The following KMT2C variants were observed in gnomAD, a reference collection of about 807,000 sequenced individuals.
KMT2C encodes the protein histone-lysine N-methyltransferase 2C.
KMT2C carries 88 observed loss-of-function variants against 507.9 expected under a neutral mutation model. That is an observed-to-expected ratio of 0.17 (90% CI 0.15 to 0.21). The LOEUF is 0.21. Ranked by LOEUF, KMT2C falls within the 10% of genes least tolerant of loss-of-function variation. The pLI is 1.00. For synonymous variants in KMT2C, 2,049 were observed against 2,080.8 expected, an observed-to-expected ratio of 0.98 and a Z score of 0.42; for missense variants, 4,954 against 5,957.8, an observed-to-expected ratio of 0.83 and a Z score of 5.55.
chr7:152,358,508 T>C, intron 2 of KMT2C, 79 bp downstream of exon 2: 1 of 895,994 alleles, frequency 1.1e-6, no homozygotes. Flanking sequence ...CAGAATATTG[T>C]TATACAAATG....
chr7:152,230,189 T>C (rs557929360), intron 17 of KMT2C, 31 bp downstream of exon 17: 4 of 1,263,718 alleles, frequency 3.2e-6, no homozygotes, highest in East Asian at 4.6e-5. Context: ...AGGAATTCAA[T>C]GAGGAAGACA....
intron 34 of KMT2C, among the ~76,000 whole-genome samples, chr7:152,184,344 A>G (rs2093553059): frequency 6.6e-6 from 1 of 152,138 alleles, no homozygotes; most frequent in Admixed American, 6.5e-5. Flanking sequence ...GAAAATAACT[A>G]TATATATTTT....
In KMT2C at chr7:152,136,766, C is replaced by T. The variant is rs1470372070; in HGVS notation, c.*66G>A. On this transcript the variant is annotated 3_prime_UTR_variant, in exon 59 of 59. Coordinates refer to ENST00000262189, the MANE Select transcript of KMT2C (RefSeq NM_170606.3). ...AAAATCTCTTTCTGTCTGCAAAATT[C>T]CAATGGTGTGTTGAATCGCCTCTTC... is the stretch of plus-strand genomic sequence containing the variant. 9.0e-7 allele frequency: 1 copy of T among 1,111,754 alleles called. No homozygotes were observed. The highest frequency in any genetic ancestry group is 1.4e-6 in the Non-Finnish European group (1 of 727,640). The allele number at this position is 1,111,754 out of a possible 1,614,324, so 68.9% of individuals were successfully genotyped here. A position where few individuals can be genotyped will look rare whatever the true frequency, so the allele number is the denominator to read the frequency against.
At chr7:152,221,533 T>TC (rs1563458238) in intron 22 of KMT2C, among the ~76,000 whole-genome samples, 1 of 152,234 alleles carries the variant, frequency 6.6e-6, no homozygotes, top group East Asian at 1.9e-4. Context: ...TTAGAACAAT[T>TC]CCTGTACTAT....
intron 14 of KMT2C, among the ~76,000 whole-genome samples, chr7:152,246,538 G>A (rs542769208): frequency 1.6e-4 from 24 of 152,124 alleles, no homozygotes; most frequent in Admixed American, 5.2e-4. Context: ...AGGAAGGAGA[G>A]ATAAGTAAAA....
Position 152,145,252 on chromosome 7 carries a change from C to T in KMT2C, c.14075G>A (p.Gly4692Asp), listed in dbSNP as rs2129093346. ...EACENYTFRY[G>D]RNPLMELPLA... Reference sequence around the variant, plus strand: ...AGGAAGTTCCATGAGAGGATTTCGGCCGTATCGGAAGGTATAATTTTCACA... The same window carrying T: ...AGGAAGTTCCATGAGAGGATTTCGGTCGTATCGGAAGGTATAATTTTCACA... The change falls in exon 54 of 59, where the codon GGC becomes GAC. Residue 4692 changes from glycine (G) to aspartate (D), a missense_variant. Around this residue, in one of 29 missense-constraint regions of KMT2C, gnomAD observed 221 missense variants for 304.7 expected, o/e 0.73. Coordinates refer to ENST00000262189, the MANE Select transcript of KMT2C (RefSeq NM_170606.3). 2 of 1,614,124 alleles carry T rather than the reference C, an allele frequency of 1.2e-6. No individual in the cohort carries two copies. The highest frequency in any genetic ancestry group is 2.2e-5 in the South Asian group (2 of 91,080).
intron 1 of KMT2C, among the ~76,000 whole-genome samples, chr7:152,391,001 C>T (rs985662728): frequency 1.3e-5 from 2 of 151,530 alleles, no homozygotes; most frequent in Non-Finnish European, 2.9e-5. Flanking sequence ...AAAAATTAGC[C>T]AGTCATGGTG....
At chr7:152,347,323 G>A (rs1033211779) in intron 2 of KMT2C, among the ~76,000 whole-genome samples, 1 of 152,222 alleles carries the variant, frequency 6.6e-6, no homozygotes. Context: ...CTTCTTGTAG[G>A]GAGCACTTTA....
intron 1 of KMT2C, among the ~76,000 whole-genome samples, chr7:152,370,769 G>A (rs563407357): frequency 3.7e-4 from 57 of 152,240 alleles, no homozygotes; most frequent in African/African-American, 1.1e-3. Flanking sequence ...AGCAAACTAC[G>A]GTCCAGAGGC....
At chr7:152,141,861 T>C (rs189341586) in intron 55 of KMT2C, among the ~76,000 whole-genome samples, 46 of 152,104 alleles carry the variant, frequency 3.0e-4, no homozygotes, top group Non-Finnish European at 5.3e-4. Context: ...TCTAAATAAA[T>C]ATTTTTAAAA....
intron 1 of KMT2C, chr7:152,367,735 C>A: frequency 8.6e-7 from 1 of 1,160,944 alleles, no homozygotes. Context: ...TGCTGGCAGC[C>A]TCTTATCGAT....
chr7:152,211,287 T>G (rs1322408340), intron 23 of KMT2C, among the ~76,000 whole-genome samples: 2 of 152,028 alleles, frequency 1.3e-5, no homozygotes, highest in African/African-American at 4.8e-5. Context: ...GAAGGTAAAA[T>G]AAAGACATTT....
Position 152,412,258 on chromosome 7 carries a change from G to A in KMT2C, c.161+23368C>T, listed in dbSNP as rs546631078. On this transcript the variant is annotated intron_variant, in intron 1 of 58. Coordinates refer to ENST00000262189, the MANE Select transcript of KMT2C (RefSeq NM_170606.3). ...TCTACTAAAAATCCAAAAATTAGCC[G>A]GGCATCGTGGCAGGAACCTGTAATC... Among the ~76,000 whole-genome samples the A allele has an allele frequency of 6.6e-5, 10 of 152,302 alleles. No individual in the cohort carries two copies. The South Asian group carries it at 8.3e-4, about 13-fold the overall frequency.
At chr7:152,262,107 G>C (rs1269807272) in intron 9 of KMT2C, among the ~76,000 whole-genome samples, 2 of 152,224 alleles carry the variant, frequency 1.3e-5, no homozygotes, top group South Asian at 2.1e-4. Context: ...GCGAGGACAG[G>C]GTGCAGGTAC....
chr7:152,346,275 C>T (rs971742948), intron 2 of KMT2C, among the ~76,000 whole-genome samples: 2 of 152,178 alleles, frequency 1.3e-5, no homozygotes, highest in Non-Finnish European at 2.9e-5. Flanking sequence ...TCAACAATAG[C>T]AGAATACACA....
At chr7:152,364,791 A>T (rs1442914991) in intron 1 of KMT2C, among the ~76,000 whole-genome samples, 3 of 152,128 alleles carry the variant, frequency 2.0e-5, no homozygotes, top group African/African-American at 7.2e-5. Context: ...GAATAATAGC[A>T]ACCTACCTAA....
intron 1 of KMT2C, among the ~76,000 whole-genome samples, chr7:152,373,428 A>G (rs2097306129): frequency 6.6e-6 from 1 of 152,202 alleles, no homozygotes; most frequent in Non-Finnish European, 1.5e-5. Flanking sequence ...AAATATTGAG[A>G]TAACAGCCTA....
Position 152,154,251 on chromosome 7 carries a change from T to TA in KMT2C, c.12139+15dup. On this transcript the variant is annotated intron_variant, in intron 47 of 58. Coordinates refer to ENST00000262189, the MANE Select transcript of KMT2C (RefSeq NM_170606.3). The stretch of plus-strand genomic sequence containing the variant: ...GTAGTGTAAAGGGAAATAATAAGGT[T>TA]AAGTGTTGTTCTTACTTTTCCCAGC... 1 of 1,613,818 alleles carries TA rather than the reference T, an allele frequency of 6.2e-7. No homozygotes were observed. The highest frequency in any genetic ancestry group is 8.5e-7 in the Non-Finnish European group (1 of 1,179,698).
intron 1 of KMT2C, among the ~76,000 whole-genome samples, chr7:152,411,682 G>A (rs1180526782): frequency 6.6e-6 from 1 of 152,106 alleles, no homozygotes; most frequent in Non-Finnish European, 1.5e-5. Context: ...TAATGTTAAC[G>A]CTTTAGTAAC....
Sources: gnomAD v4.1 joint callset for allele counts (sites outside exome capture counted in the v4.1 genomes callset) on GRCh38, gnomAD v4.1.1 for gene constraint, gnomAD v4.1.1 regional missense constraint, MANE v1.5 for transcripts, NCBI Gene and HGNC (gene_info 2026-07-23, HGNC 2026-07-21) for gene names.